Variants in PUM1 observed in about 807,000 individuals in gnomAD.
PUM1 encodes pumilio RNA binding family member 1.
In PUM1, 13 loss-of-function variants were observed where a neutral mutation model predicts 131.8. The observed-to-expected ratio is 0.10, with a 90% CI of 0.06 to 0.16. PUM1 has a LOEUF of 0.16. PUM1 is among the 10% of genes least tolerant of loss of function. PUM1 has a pLI of 1.00. For synonymous variants in PUM1, 509 were observed against 556.5 expected, an observed-to-expected ratio of 0.91 and a Z score of 1.20; for missense variants, 961 against 1,512.4, an observed-to-expected ratio of 0.64 and a Z score of 6.05.
chr1:31,062,380 T>C (rs1249950553), intron 1 of PUM1, among the ~76,000 whole-genome samples: 1 of 152,144 alleles, frequency 6.6e-6, no homozygotes. Context: ...CCCAGCACTT[T>C]GGGAGGCGGA....
chr1:30,985,223 G>A (rs1641502827), intron 7 of PUM1, among the ~76,000 whole-genome samples: 2 of 152,190 alleles, frequency 1.3e-5, no homozygotes, highest in African/African-American at 4.8e-5. Flanking sequence ...TATGTGTGAT[G>A]TTCTTTCTGA....
chr1:31,000,160 A>G (rs571755536), intron 5 of PUM1, among the ~76,000 whole-genome samples: 4 of 152,370 alleles, frequency 2.6e-5, no homozygotes, highest in African/African-American at 9.6e-5. Flanking sequence ...AATTAAATGC[A>G]ACATAAGCAT....
intron 18 of PUM1, among the ~76,000 whole-genome samples, chr1:30,944,776 T>G (rs1399867470): frequency 2.6e-5 from 4 of 152,240 alleles, no homozygotes; most frequent in Non-Finnish European, 4.4e-5. Flanking sequence ...AATTTATTCT[T>G]CAAATATGAG....
intron 13 of PUM1, among the ~76,000 whole-genome samples, chr1:30,965,134 T>TG (rs2124438510): frequency 6.6e-6 from 1 of 152,240 alleles, no homozygotes; most frequent in Non-Finnish European, 1.5e-5. Flanking sequence ...TACCTTCCTA[T>TG]GGTGTCGTAT....
chr1:30,950,116 G>A lies in PUM1; in HGVS notation c.2856+11C>T. On this transcript the variant is annotated intron_variant, in intron 17 of 21. Transcript: ENST00000426105. ...TCAAACACCAAGAGAAAAGTTAAAG[G>A]GGAAACTTACAATTACCTGCTGGTC... 3.1e-6 allele frequency: 5 copies of A among 1,610,226 alleles called. No individual in the cohort carries two copies. The highest frequency in any genetic ancestry group is 4.2e-6 in the Non-Finnish European group (5 of 1,178,116).
rs566726470 is a variant in PUM1 at position 30,939,394 on chromosome 1, C to A, written c.3242+1757G>T. On this transcript the variant is annotated intron_variant, in intron 20 of 21. Transcript: ENST00000426105. ...TGGGGGAAGGTTAAAACTGGGCCCC[C>A]CCGAACCCCTTCCGGCTCTCTCCCT... Among the ~76,000 whole-genome samples, 9 of 152,340 alleles carry A rather than the reference C, an allele frequency of 5.9e-5. No homozygotes were observed. In the East Asian group the frequency reaches 1.2e-3, roughly 20 times the overall value.
chr1:31,015,280 T>A (rs1642770290), intron 3 of PUM1, among the ~76,000 whole-genome samples: 1 of 152,202 alleles, frequency 6.6e-6, no homozygotes, highest in Admixed American at 6.5e-5. Context: ...TGAAATTCAC[T>A]GCAAATAAAT....
intron 2 of PUM1, among the ~76,000 whole-genome samples, chr1:31,047,114 G>A (rs75244501): frequency 0.021 from 3,203 of 152,136 alleles, 75 homozygotes; most frequent in East Asian, 0.094. Flanking sequence ...ACTTGAACCC[G>A]GGAGGTGGAA....
intron 14 of PUM1, among the ~76,000 whole-genome samples, chr1:30,962,331 G>A (rs551091131): frequency 6.6e-6 from 1 of 152,290 alleles, no homozygotes; most frequent in African/African-American, 2.4e-5. Flanking sequence ...TGATGCTTTA[G>A]AAAGAGGAAA....
intron 18 of PUM1, among the ~76,000 whole-genome samples, chr1:30,945,022 C>A (rs2124397551): frequency 6.6e-6 from 1 of 152,290 alleles, no homozygotes. Flanking sequence ...TGCTTGAGTG[C>A]AGGAATTCAA....
At chr1:30,972,648 C>T (rs1024129249) in intron 10 of PUM1, among the ~76,000 whole-genome samples, 3 of 150,684 alleles carry the variant, frequency 2.0e-5, no homozygotes, top group Non-Finnish European at 4.4e-5. Context: ...GCGGCACACA[C>T]CTGTAATCCC....
chr1:30,965,831 T>C (rs1450963195), intron 13 of PUM1, 151 bp downstream of exon 13: 5 of 744,190 alleles, frequency 6.7e-6, no homozygotes, highest in Admixed American at 3.2e-5. Context: ...TTGATTTCAA[T>C]AGTCTATCAT....
chr1:30,952,674 CGGG>C (rs1457814000), intron 15 of PUM1, among the ~76,000 whole-genome samples: 2 of 43,418 alleles, frequency 4.6e-5, no homozygotes, highest in African/African-American at 1.2e-4. Context: ...AAGATGAAAG[CGGG>C]GGGGGCGGGG....
At chr1:31,015,547 T>A (rs1468323208) in intron 3 of PUM1, among the ~76,000 whole-genome samples, 3 of 152,110 alleles carry the variant, frequency 2.0e-5, no homozygotes, top group Non-Finnish European at 2.9e-5. Context: ...TTCACCATGT[T>A]ACTCAGGATG....
intron 10 of PUM1, among the ~76,000 whole-genome samples, chr1:30,972,398 G>A (rs1403684162): frequency 0.059 from 2 of 34 alleles, 1 homozygote; most frequent in Non-Finnish European, 0.11. Flanking sequence ...GGAGGGGAGG[G>A]GAGGGGAGGG....
intron 2 of PUM1, among the ~76,000 whole-genome samples, chr1:31,044,747 G>A (rs1055648994): frequency 2.6e-5 from 4 of 151,862 alleles, no homozygotes; most frequent in African/African-American, 7.3e-5. Context: ...GCATGATGTC[G>A]GCTCACTGCA....
chr1:31,045,195 G>C (rs192263013), intron 2 of PUM1, among the ~76,000 whole-genome samples: 1 of 151,502 alleles, frequency 6.6e-6, no homozygotes, highest in Admixed American at 6.6e-5. Context: ...GCAGTGGTGC[G>C]ATCTCAGTTC....
chr1:31,030,170 T>C (rs1237785691), intron 2 of PUM1, among the ~76,000 whole-genome samples: 1 of 151,760 alleles, frequency 6.6e-6, no homozygotes, highest in Non-Finnish European at 1.5e-5. Context: ...GATCGCGCCA[T>C]TGCACTCCAG....
chr1:30,950,070 T>C (rs1371102830), intron 17 of PUM1, 57 bp downstream of exon 17: 2 of 1,572,908 alleles, frequency 1.3e-6, no homozygotes, highest in Admixed American at 1.8e-5. Flanking sequence ...CAGGGTTCAC[T>C]ACATGTACCA....
Sources: allele counts gnomAD v4.1 joint callset (sites outside exome capture counted in the v4.1 genomes callset), GRCh38; gene constraint gnomAD v4.1.1; transcripts MANE v1.5; gene names NCBI Gene and HGNC (gene_info 2026-07-23, HGNC 2026-07-21).